GRAMD2A: variants seen among roughly 807,000 people sequenced by gnomAD.
GRAMD2A encodes GRAM domain-containing protein 2A.
Under a neutral mutation model 51.1 loss-of-function variants are expected in GRAMD2A, and 37 were observed. That is an observed-to-expected ratio of 0.72 (90% CI 0.56 to 0.95). The LOEUF is 0.95. Ranked by LOEUF, GRAMD2A falls within the 40% of genes least tolerant of loss-of-function variation. The probability of loss-of-function intolerance (pLI) is 0.00; values close to 1 mark genes in which losing one functional copy is unlikely to be tolerated. For missense variants in GRAMD2A, 414 were observed against 426.9 expected, an observed-to-expected ratio of 0.97 and a Z score of 0.27; for synonymous variants, 136 against 157.1, an observed-to-expected ratio of 0.87 and a Z score of 1.01.
chr15:72,196,236 G>C (rs945153030), intron 1 of GRAMD2A, among the ~76,000 whole-genome samples: 1 of 152,182 alleles, frequency 6.6e-6, no homozygotes. Flanking sequence ...GGCCAGGCAC[G>C]TGGCTCACAC....
At chr15:72,174,998 T>A (rs1231722419) in intron 1 of GRAMD2A, among the ~76,000 whole-genome samples, 1 of 151,938 alleles carries the variant, frequency 6.6e-6, no homozygotes, top group Admixed American at 6.6e-5. Context: ...CCTCCCGAGC[T>A]TCACCCCCTG....
At chr15:72,181,071 T>C (rs1373016812) in intron 1 of GRAMD2A, among the ~76,000 whole-genome samples, 1 of 152,166 alleles carries the variant, frequency 6.6e-6, no homozygotes, top group Non-Finnish European at 1.5e-5. Flanking sequence ...ACAGGGTCAC[T>C]GTAGAGGGGT....
intron 2 of GRAMD2A, 192 bp downstream of exon 2, chr15:72,169,655 C>G (rs1378959389): frequency 1.6e-5 from 11 of 697,396 alleles, no homozygotes; most frequent in Non-Finnish European, 2.9e-5. Context: ...AGCATGGACT[C>G]TGCTAGGTCC....
In GRAMD2A at chr15:72,167,152, C is replaced by T. The variant is rs1168869840; in HGVS notation, c.373-60G>A. ...CCCCCAAGGACGTGGTCCCTTTGCTCCCTGCCTAGGGACCCAGCTGTGAGC... is the reference window on the plus strand; with the variant it reads ...CCCCCAAGGACGTGGTCCCTTTGCTTCCTGCCTAGGGACCCAGCTGTGAGC... On this transcript the variant is annotated intron_variant, in intron 5 of 11. Transcript: ENST00000309731. 2.3e-6 allele frequency: 3 copies of T among 1,296,336 alleles called. No homozygotes were observed. In the African/African-American group the frequency reaches 4.4e-5, roughly 19 times the overall value. 80.3% of individuals were successfully genotyped at this position (1,296,336 alleles called of 1,614,324 possible).
At chr15:72,167,869 TA>T in intron 4 of GRAMD2A, 30 bp from the exon 5 acceptor site, 1 of 1,484,054 alleles carries the variant, frequency 6.7e-7, no homozygotes, top group Non-Finnish European at 9.4e-7. Context: ...AAAATGGCCA[TA>T]AGCAAGGTCA....
chr15:72,182,590 G>A (rs555582410), intron 1 of GRAMD2A, among the ~76,000 whole-genome samples: 12 of 152,260 alleles, frequency 7.9e-5, no homozygotes, highest in African/African-American at 2.9e-4. Context: ...CAGAATGGGA[G>A]AGAATATTTG....
chr15:72,170,321 A>G lies in GRAMD2A; in HGVS notation c.42-382T>C, dbSNP rs1040004631. 2.1e-6 allele frequency: 1 copy of G among 467,694 alleles called. No individual in the cohort carries two copies. The highest frequency in any genetic ancestry group is 2.3e-5 in the Admixed American group (1 of 42,882). 29.0% of individuals were successfully genotyped at this position (467,694 alleles called of 1,614,324 possible). On this transcript the variant is annotated intron_variant, in intron 1 of 11. Transcript: ENST00000309731. This position sits in a 1 kb window ranked among gnomAD's most constrained non-coding sequence, Gnocchi z 4.5. ...CCTGAGACTCGCTTATGCCGAGAACAAAAGTGTCCAAAGTACCCGCGCAGC... is the reference window on the plus strand; with the variant it reads ...CCTGAGACTCGCTTATGCCGAGAACGAAAGTGTCCAAAGTACCCGCGCAGC...
chr15:72,163,562 A>G (rs1376724070), intron 9 of GRAMD2A, 51 bp downstream of exon 9: 2 of 1,592,180 alleles, frequency 1.3e-6, no homozygotes, highest in South Asian at 2.3e-5. Flanking sequence ...GGGAAGACAG[A>G]AAGTCTGGCC....
intron 10 of GRAMD2A, chr15:72,162,851 C>G (rs2081494577): frequency 4.8e-6 from 1 of 210,512 alleles, no homozygotes; most frequent in Non-Finnish European, 9.6e-6. Flanking sequence ...ATGTCACTTC[C>G]CACGATGCTC....
At chr15:72,187,687 A>AT (rs1373608549) in intron 1 of GRAMD2A, among the ~76,000 whole-genome samples, 1 of 151,836 alleles carries the variant, frequency 6.6e-6, no homozygotes, top group Non-Finnish European at 1.5e-5. Context: ...TACTTTTTGC[A>AT]TTTTTTATAG....
intron 1 of GRAMD2A, among the ~76,000 whole-genome samples, chr15:72,182,374 A>C (rs927591896): frequency 1.3e-5 from 2 of 151,496 alleles, no homozygotes; most frequent in African/African-American, 2.4e-5. Flanking sequence ...AAAAAAAAAA[A>C]AAAAAAAAAA....
At position 72,161,998 on chromosome 15, in the gene GRAMD2A, C is replaced by T. The variant is rs775637917; in HGVS notation, c.*11G>A. 6.2e-7 allele frequency: 1 copy of T among 1,614,078 alleles called. No homozygotes were observed. Among genetic ancestry groups the T allele is most frequent in the South Asian group, 1.1e-5 (1 of 91,080 alleles). On this transcript the variant is annotated 3_prime_UTR_variant, in exon 12 of 12. Transcript: ENST00000309731. ...CTTGGAGAAGGAATGGGGACAAAGG[C>T]CAAGTGGCTGTTACCTGCACACAGG...
chr15:72,182,328 G>A (rs1370065264), intron 1 of GRAMD2A, among the ~76,000 whole-genome samples: 1 of 132,136 alleles, frequency 7.6e-6, no homozygotes, highest in Non-Finnish European at 1.5e-5. Flanking sequence ...TCTTGCCACT[G>A]TACTCCAGCC....
chr15:72,177,538 T>C (rs1324824792), intron 1 of GRAMD2A, among the ~76,000 whole-genome samples: 1 of 152,220 alleles, frequency 6.6e-6, no homozygotes, highest in Non-Finnish European at 1.5e-5. Context: ...AGCAATGCAT[T>C]TGAAATATGG....
At chr15:72,197,666 G>A (rs2081820818) in intron 1 of GRAMD2A, 65 bp downstream of exon 1, 4 of 1,224,572 alleles carry the variant, frequency 3.3e-6, no homozygotes, top group Admixed American at 4.2e-5. Context: ...TGCCCCGCGC[G>A]GCAGCAGCCC....
rs1279563125 is a variant in GRAMD2A at position 72,162,395 on chromosome 15, A to C, written c.957-18T>G. The stretch of plus-strand genomic sequence containing the variant: ...AGCAGATCCTGAAGAAAGCGGCAAT[A>C]CGGAGTTAAATATTTCTTCCACAGA... On this transcript the variant is annotated intron_variant, in intron 10 of 11. Transcript: ENST00000309731. 6.5e-7 allele frequency: 1 copy of C among 1,543,352 alleles called. No homozygotes were observed. Among genetic ancestry groups the C allele is most frequent in the South Asian group, 1.1e-5 (1 of 88,862 alleles).
chr15:72,178,576 T>TC (rs2081672050), intron 1 of GRAMD2A, among the ~76,000 whole-genome samples: 1 of 135,552 alleles, frequency 7.4e-6, no homozygotes, highest in African/African-American at 2.9e-5. Context: ...TTCTTTTTTT[T>TC]TTTTTTTTTT....
chr15:72,169,691 G>T lies in GRAMD2A; in HGVS notation c.134+156C>A, dbSNP rs944890576. 5.4e-5 allele frequency: 38 copies of T among 697,536 alleles called. 2 individuals are homozygous for T. Among genetic ancestry groups the T allele is most frequent in the African/African-American group, 1.7e-5 (1 of 57,190 alleles). 43.2% of individuals were successfully genotyped at this position (697,536 alleles called of 1,614,324 possible). A position where few individuals can be genotyped will look rare whatever the true frequency, so the allele number is the denominator to read the frequency against. On this transcript the variant is annotated intron_variant, in intron 2 of 11. Transcript: ENST00000309731. ...CAGTGCACTGGGACAGTCTTGAGGG[G>T]CGGGAGGAAGAAGCCTGGGGCAGCC...
At position 72,165,279 on chromosome 15, in the gene GRAMD2A, C is replaced by G. The variant is rs1302692318; in HGVS notation, c.600+75G>C. The G allele has an allele frequency of 9.4e-6, 13 of 1,383,234 alleles. No individual in the cohort carries two copies. The Admixed American group carries it at 1.4e-4, about 15-fold the overall frequency. The allele number at this position is 1,383,234 out of a possible 1,614,324, so 85.7% of individuals were successfully genotyped here. On this transcript the variant is annotated intron_variant, in intron 8 of 11. Coordinates refer to ENST00000309731, the MANE Select transcript of GRAMD2A (RefSeq NM_001012642.3). The stretch of plus-strand genomic sequence containing the variant: ...GCCCCAGTTCTGCATTGTGGGCCCC[C>G]CTAGGAGGCCCAGAAGCCTCAGAGC...
Sources: allele counts gnomAD v4.1 joint callset (sites outside exome capture counted in the v4.1 genomes callset), GRCh38; gene constraint gnomAD v4.1.1; non-coding constraint Gnocchi (gnomAD v3.1); transcripts MANE v1.5; gene names NCBI Gene and HGNC (gene_info 2026-07-23, HGNC 2026-07-21).